The following ZNF280C variants were observed in gnomAD, a reference collection of about 807,000 sequenced individuals.
The protein encoded by ZNF280C is suppressor of hairy wing homolog 3.
In ZNF280C, 14 loss-of-function variants were observed where a neutral mutation model predicts 53.6. The ratio of observed to expected loss-of-function variants is 0.26; its 90% CI spans 0.17 to 0.41. The LOEUF (loss-of-function observed/expected upper bound fraction) is 0.41. ZNF280C is among the 10% of genes least tolerant of loss of function. ZNF280C has a pLI of 1.00. For synonymous variants in ZNF280C, 203 were observed against 181.1 expected, an observed-to-expected ratio of 1.12 and a Z score of -0.97; for missense variants, 416 against 547.1, an observed-to-expected ratio of 0.76 and a Z score of 2.39.
At position 130,215,991 on chromosome X, in the gene ZNF280C, A is replaced by G. The variant is rs747399882; in HGVS notation, c.1638T>C (p.Asn546=). Residue 546 remains asparagine (N), a synonymous_variant, in exon 14 of 19, where the codon AAT becomes AAC. Transcript: ENST00000370978. ...ATTTTCTAGGATTTCTAGCAGTTGT[A>G]TTTTGAGATGTCGGAGGTGTGACCT... ...FLQVTPPTSQ[N]TTARNPRKSN... is the part of the protein sequence containing the mutation. The G allele has an allele frequency of 1.7e-6, 2 of 1,211,405 alleles. No individual in the cohort carries two copies. Among genetic ancestry groups the G allele is most frequent in the Non-Finnish European group, 2.2e-6 (2 of 895,241 alleles).
At chrX:130,228,217 C>T (rs758200227) in intron 10 of ZNF280C, among the ~76,000 whole-genome samples, 31 of 112,021 alleles carry the variant, frequency 2.8e-4, no homozygotes, top group African/African-American at 9.4e-4. Context: ...TAGTCCCCTA[C>T]ACCAATGCAT....
At chrX:130,207,425 T>C (rs1409655391) in intron 16 of ZNF280C, among the ~76,000 whole-genome samples, 1 of 111,738 alleles carries the variant, frequency 8.9e-6, no homozygotes, top group African/African-American at 3.3e-5. Flanking sequence ...AGTGGCGCGA[T>C]CTCGGCTCAC....
chrX:130,240,863 C>A (rs2032383301), intron 5 of ZNF280C, among the ~76,000 whole-genome samples: 1 of 112,200 alleles, frequency 8.9e-6, no homozygotes, highest in African/African-American at 3.2e-5. Flanking sequence ...CACTTCTGAG[C>A]TTCAAGTTAT....
In ZNF280C at chrX:130,215,752, A is replaced by T. The variant is rs369849416; in HGVS notation, c.1838+39T>A. On this transcript the variant is annotated intron_variant, in intron 14 of 18. Transcript: ENST00000370978. The stretch of plus-strand genomic sequence containing the variant: ...TGATATGATAAATTATATACATAAG[A>T]TTAAATTTGTATTGTATATCAGGAA... The T allele has an allele frequency of 2.0e-4, 218 of 1,096,920 alleles. 1 individual carries two copies. The African/African-American group carries it at 3.6e-3, about 18-fold the overall frequency. The allele number at this position is 1,096,920 out of a possible 1,213,427, so 90.4% of individuals were successfully genotyped here. A position where few individuals can be genotyped will look rare whatever the true frequency, so the allele number is the denominator to read the frequency against.
rs1476118348 is a variant in ZNF280C at position 130,204,342 on chromosome X, G to C, written c.*635C>G. 1 of 112,413 alleles carries C rather than the reference G, an allele frequency of 8.9e-6. No homozygotes were observed. The highest frequency in any genetic ancestry group is 1.9e-5 in the Non-Finnish European group (1 of 53,274). 9.3% of individuals were successfully genotyped at this position (112,413 alleles called of 1,213,427 possible). On this transcript the variant is annotated 3_prime_UTR_variant, in exon 19 of 19. Transcript: ENST00000370978. ...CTTGAGGTCATCTCTGGCCAAATCA[G>C]CATCAGCCTTATGGGAGGTCAGTCA...
At chrX:130,251,281 T>TCAAAAAAAAAAAA (rs2032504901) in intron 2 of ZNF280C, among the ~76,000 whole-genome samples, 1 of 15,502 alleles carries the variant, frequency 6.5e-5, no homozygotes, top group Admixed American at 9.6e-4. Context: ...AGGACCTGTC[T>TCAAAAAAAAAAAA]CAAAAAAAAA....
intron 13 of ZNF280C, among the ~76,000 whole-genome samples, chrX:130,217,642 A>C (rs1220130899): frequency 8.9e-6 from 1 of 112,522 alleles, no homozygotes; most frequent in Non-Finnish European, 1.9e-5. Flanking sequence ...TGCAATACAA[A>C]AAGTTAAAAT....
chrX:130,236,950 T>G (rs958565312), intron 6 of ZNF280C, among the ~76,000 whole-genome samples: 1 of 111,233 alleles, frequency 9.0e-6, no homozygotes, highest in Non-Finnish European at 1.9e-5. Context: ...ACAGGTATCA[T>G]GAAAAAAGTT....
chrX:130,260,494 T>C (rs1230545184), intron 1 of ZNF280C, 29 bp from the exon 2 acceptor site: 2 of 1,113,018 alleles, frequency 1.8e-6, no homozygotes, highest in South Asian at 2.0e-5. Context: ...CATCAATCAA[T>C]GTTATGAGTC....
At chrX:130,230,795 G>T in intron 8 of ZNF280C, 68 bp from the exon 9 acceptor site, 1 of 728,456 alleles carries the variant, frequency 1.4e-6, no homozygotes, top group East Asian at 3.3e-5. Flanking sequence ...AAAAATGATT[G>T]TGTTTACATC....
chrX:130,244,897 G>A (rs1201620371), intron 3 of ZNF280C, among the ~76,000 whole-genome samples: 2 of 110,171 alleles, frequency 1.8e-5, no homozygotes, highest in Non-Finnish European at 3.8e-5. Context: ...AGTACTCTAT[G>A]AGTAAACATT....
At chrX:130,247,140 G>T in intron 2 of ZNF280C, 135 bp from the exon 3 acceptor site, 1 of 706,191 alleles carries the variant, frequency 1.4e-6, no homozygotes, top group South Asian at 3.3e-5. Flanking sequence ...GTTTGTTTTT[G>T]TGACAGAGTT....
At chrX:130,224,536 G>A (rs2032201024) in intron 12 of ZNF280C, among the ~76,000 whole-genome samples, 2 of 111,653 alleles carry the variant, frequency 1.8e-5, no homozygotes, top group Non-Finnish European at 3.8e-5. Context: ...TACAGTGTAA[G>A]GGTACAGAGC....
At chrX:130,268,367 G>A (rs2032712658) in intron 1 of ZNF280C, among the ~76,000 whole-genome samples, 1 of 111,309 alleles carries the variant, frequency 9.0e-6, no homozygotes, top group African/African-American at 3.3e-5. Flanking sequence ...AGGGTGGGCG[G>A]GTCTCCGTCA....
Position 130,220,445 on chromosome X carries a change from T to C in ZNF280C, c.1431A>G (p.Leu477=). The change falls in exon 13 of 19, where the codon CTA becomes CTG. Residue 477 remains leucine (L), a synonymous_variant. Transcript: ENST00000370978. ...CTTTCTCCTTGCTGGTCAAAAATTG[T>C]AGTCTGCATTTTGGGCAACGATGAA... ...KGVHRCPKCR[L]QFLTSKEKAE... is the part of the protein sequence containing the mutation. 1 of 1,201,546 alleles carries C rather than the reference T, an allele frequency of 8.3e-7. No homozygotes were observed. Among genetic ancestry groups the C allele is most frequent in the Non-Finnish European group, 1.1e-6 (1 of 891,033 alleles).
chrX:130,258,853 C>T (rs149372684), intron 2 of ZNF280C, among the ~76,000 whole-genome samples: 102 of 111,825 alleles, frequency 9.1e-4, no homozygotes, highest in African/African-American at 3.0e-3. Context: ...CAAATCCTCA[C>T]TGCACCATTT....
Position 130,205,431 on chromosome X carries a change from A to G in ZNF280C, c.2043-16T>C. ...AGTAATGCCCCTATGAAAAAAAAGA[A>G]GACAGTAAGAAATATTCTTATCATT... On this transcript the variant is annotated splice_polypyrimidine_tract_variant and intron_variant, in intron 16 of 18. Transcript: ENST00000370978. 9.5e-7 allele frequency: 1 copy of G among 1,048,166 alleles called. No individual in the cohort carries two copies. The highest frequency in any genetic ancestry group is 1.3e-6 in the Non-Finnish European group (1 of 760,756). 86.4% of individuals were successfully genotyped at this position (1,048,166 alleles called of 1,213,427 possible).
intron 8 of ZNF280C, among the ~76,000 whole-genome samples, chrX:130,232,456 T>C: frequency 9.1e-6 from 1 of 109,369 alleles, no homozygotes; most frequent in Admixed American, 9.9e-5. Context: ...TGAGAAAGGG[T>C]TAAAATCCAA....
At chrX:130,268,024 T>C (rs1228187515) in intron 1 of ZNF280C, among the ~76,000 whole-genome samples, 1 of 112,015 alleles carries the variant, frequency 8.9e-6, no homozygotes, top group Non-Finnish European at 1.9e-5. Context: ...CTGAGAGAAG[T>C]TGAAAGGAAC....
Sources: gnomAD v4.1 joint callset for allele counts (sites outside exome capture counted in the v4.1 genomes callset) on GRCh38, gnomAD v4.1.1 for gene constraint, MANE v1.5 for transcripts, NCBI Gene and HGNC (gene_info 2026-07-23, HGNC 2026-07-21) for gene names.